The following ASXL3 variants were observed in gnomAD, a reference collection of about 807,000 sequenced individuals.
ASXL3 encodes putative Polycomb group protein ASXL3.
In ASXL3, 34 loss-of-function variants were observed where a neutral mutation model predicts 170.6. The ratio of observed to expected loss-of-function variants is 0.20; its 90% CI spans 0.15 to 0.27. The LOEUF (loss-of-function observed/expected upper bound fraction) is 0.27, where lower values mean the gene tolerates loss of function less well. Ranked by LOEUF, ASXL3 falls within the 10% of genes least tolerant of loss-of-function variation. The pLI is 1.00. For missense variants in ASXL3, 2,592 were observed against 2,695.3 expected, an observed-to-expected ratio of 0.96 and a Z score of 0.85; for synonymous variants, 1,002 against 989.1, an observed-to-expected ratio of 1.01 and a Z score of -0.24.
rs778870249 is a variant in ASXL3 at position 33,739,618 on chromosome 18, T to G, written c.2214T>G (p.Ser738=). The change falls in exon 11 of 12, where the codon TCT becomes TCG. Residue 738 remains serine, a synonymous_variant. Coordinates refer to ENST00000269197, the MANE Select transcript of ASXL3 (RefSeq NM_030632.3). Reference sequence around the variant, plus strand: ...CAGTGTCTTCCATGCTTCTCACCTCTGAGACCACTTTTGTATCCAGTTTGC... The same window carrying G: ...CAGTGTCTTCCATGCTTCTCACCTCGGAGACCACTTTTGTATCCAGTTTGC... The part of the protein sequence containing the change: ...TSSVSSMLLT[S]ETTFVSSLPL... The G allele has an allele frequency of 3.7e-6, 6 of 1,613,864 alleles. No homozygotes were observed. The Admixed American group carries it at 1.0e-4, about 27-fold the overall frequency.
intron 1 of ASXL3, among the ~76,000 whole-genome samples, chr18:33,604,107 A>G (rs1204331176): frequency 6.6e-6 from 1 of 152,100 alleles, no homozygotes; most frequent in Non-Finnish European, 1.5e-5. Flanking sequence ...TTGTTAGCCA[A>G]TATAAATAAT....
chr18:33,649,595 T>C (rs908146709), intron 4 of ASXL3: 4 of 152,144 alleles, frequency 2.6e-5, no homozygotes, highest in African/African-American at 4.8e-5. Flanking sequence ...GGGACCACTC[T>C]ACAAGTACAG....
At position 33,663,368 on chromosome 18, in the gene ASXL3, A is replaced by G. The variant is rs140446626; in HGVS notation, c.477+1631A>G. Among the ~76,000 whole-genome samples the G allele has an allele frequency of 3.0e-3, 464 of 152,258 alleles. 3 individuals carry two copies. The highest frequency in any genetic ancestry group is 0.011 in the African/African-American group (449 of 41,574). On this transcript the variant is annotated intron_variant, in intron 5 of 11. Coordinates refer to ENST00000269197, the MANE Select transcript of ASXL3 (RefSeq NM_030632.3). Reference sequence around the variant, plus strand: ...CACCATGAAATCTTCCTGTATATGAATGGAAATATAAAGGTACAACTCTCT... The same window carrying G: ...CACCATGAAATCTTCCTGTATATGAGTGGAAATATAAAGGTACAACTCTCT...
chr18:33,585,331 TC>T, intron 1 of ASXL3, among the ~76,000 whole-genome samples: 1 of 152,184 alleles, frequency 6.6e-6, no homozygotes, highest in Non-Finnish European at 1.5e-5. Flanking sequence ...GCTGCCAAAA[TC>T]TAGCCCTGAC....
Position 33,742,999 on chromosome 18 carries a change from G to A in ASXL3, c.3151G>A (p.Ala1051Thr). The A allele has an allele frequency of 1.2e-6, 2 of 1,613,768 alleles. No homozygotes were observed. Among genetic ancestry groups the A allele is most frequent in the Non-Finnish European group, 1.7e-6 (2 of 1,179,782 alleles). Residue 1051 changes from alanine (A) to threonine (T), a missense_variant, in exon 12 of 12, where the codon GCC becomes ACC. Ala to Thr is a moderately conservative substitution (Grantham distance 58). This residue lies in a region of ASXL3 where 2,246 missense variants were observed against 2,219.6 expected (regional missense o/e 1.01). Transcript: ENST00000269197. ...TGTCAGTGGCGGGAGGAACACAGGA[G>A]CCAGGACCCTCGCAGATATCAAGGC... ...TSVSGGRNTG[A>T]RTLADIKARA...
Position 33,648,692 on chromosome 18 carries a change from TAGAAA to T in ASXL3, c.355+2346_355+2350del, listed in dbSNP as rs199833849. Among the ~76,000 whole-genome samples, 1,305 of 151,836 alleles carry T rather than the reference TAGAAA, an allele frequency of 8.6e-3. 18 individuals are homozygous for T. The highest frequency in any genetic ancestry group is 0.029 in the African/African-American group (1,201 of 41,410). ...ACATTACCAAGGAACTGAAGGTAAA[TAGAAA>T]AGAAAAAAGACCCAAAGACTGAGCT... is the stretch of plus-strand genomic sequence containing the variant. On this transcript the variant is annotated intron_variant, in intron 4 of 11. Coordinates refer to ENST00000269197, the MANE Select transcript of ASXL3 (RefSeq NM_030632.3).
chr18:33,743,284 T>C lies in ASXL3; in HGVS notation c.3436T>C (p.Ser1146Pro). The change falls in exon 12 of 12, where the codon TCT becomes CCT. Residue 1146 changes from serine (S) to proline (P), a missense_variant. Ser to Pro is a moderately conservative substitution (Grantham distance 74, BLOSUM62 -1). Transcript: ENST00000269197. ...AGGGCCTCCAAACTTAGAAGTCTCT[T>C]CTACCCCTGAAACAAAAATGGAAGG... ...KEGPPNLEVS[S>P]TPETKMEGST... The C allele has an allele frequency of 6.2e-7, 1 of 1,613,900 alleles. No individual in the cohort carries two copies. Among genetic ancestry groups the C allele is most frequent in the Non-Finnish European group, 8.5e-7 (1 of 1,179,838 alleles).
chr18:33,694,849 A>G (rs1480280240), intron 8 of ASXL3, among the ~76,000 whole-genome samples: 1 of 152,184 alleles, frequency 6.6e-6, no homozygotes, highest in African/African-American at 2.4e-5. Flanking sequence ...GAACATTTAC[A>G]CAGTCCCTTT....
At chr18:33,600,893 C>T (rs557879205) in intron 1 of ASXL3, among the ~76,000 whole-genome samples, 1 of 152,188 alleles carries the variant, frequency 6.6e-6, no homozygotes, top group East Asian at 1.9e-4. Flanking sequence ...ATCATAATTG[C>T]TTGAAAGTTT....
intron 2 of ASXL3, among the ~76,000 whole-genome samples, chr18:33,628,173 T>C (rs2065628014): frequency 6.6e-6 from 1 of 152,082 alleles, no homozygotes; most frequent in Admixed American, 6.6e-5. Flanking sequence ...ATTTTACAGA[T>C]GAGGAAATTG....
At chr18:33,694,773 G>A (rs969131135) in intron 8 of ASXL3, among the ~76,000 whole-genome samples, 37 of 152,040 alleles carry the variant, frequency 2.4e-4, no homozygotes, top group African/African-American at 8.2e-4. Flanking sequence ...GTGTTCCTCC[G>A]GTTCTGCACT....
intron 2 of ASXL3, among the ~76,000 whole-genome samples, chr18:33,616,507 G>A (rs1208031055): frequency 1.3e-5 from 2 of 152,116 alleles, no homozygotes; most frequent in South Asian, 2.1e-4. Flanking sequence ...GAATGGGAAG[G>A]AAATACTTTT....
chr18:33,747,494 T>A lies in ASXL3; in HGVS notation c.*899T>A, dbSNP rs1488426819. On this transcript the variant is annotated 3_prime_UTR_variant, in exon 12 of 12. Transcript: ENST00000269197. ...TGCACACATAAATGCATTGATAATG[T>A]AAATATCCTATTCACGCTAATGAAT... 1 of 152,074 alleles carries A rather than the reference T, an allele frequency of 6.6e-6. No individual in the cohort carries two copies. The highest frequency in any genetic ancestry group is 2.4e-5 in the African/African-American group (1 of 41,394). The allele number at this position is 152,074 out of a possible 1,614,324, so 9.4% of individuals were successfully genotyped here.
chr18:33,687,247 C>A (rs922458780), intron 8 of ASXL3, among the ~76,000 whole-genome samples: 5 of 151,960 alleles, frequency 3.3e-5, no homozygotes, highest in African/African-American at 1.2e-4. Context: ...CAGAAAGGGA[C>A]GGGTGACTTG....
intron 8 of ASXL3, among the ~76,000 whole-genome samples, chr18:33,721,663 C>T (rs1013610050): frequency 2.0e-5 from 3 of 152,052 alleles, no homozygotes; most frequent in South Asian, 2.1e-4. Flanking sequence ...TAATATTTCT[C>T]TCTAAAATTT....
intron 4 of ASXL3, among the ~76,000 whole-genome samples, chr18:33,660,504 G>C (rs1023526333): frequency 1.3e-5 from 2 of 151,980 alleles, no homozygotes; most frequent in African/African-American, 4.8e-5. Context: ...TTAAAACTCA[G>C]GTCAGAACCC....
chr18:33,732,891 A>G (rs2145399196), intron 9 of ASXL3, among the ~76,000 whole-genome samples: 1 of 151,954 alleles, frequency 6.6e-6, no homozygotes, highest in African/African-American at 2.4e-5. Context: ...TACTGATGGC[A>G]AATTCCAATT....
At chr18:33,689,154 G>A (rs752591816) in intron 8 of ASXL3, among the ~76,000 whole-genome samples, 5 of 152,038 alleles carry the variant, frequency 3.3e-5, no homozygotes, top group Non-Finnish European at 7.4e-5. Flanking sequence ...CACCACATCT[G>A]GCTAATTTTT....
chr18:33,683,196 A>G (rs1433315399), intron 7 of ASXL3, among the ~76,000 whole-genome samples: 2 of 152,218 alleles, frequency 1.3e-5, no homozygotes, highest in African/African-American at 4.8e-5. Flanking sequence ...ATACATTATG[A>G]CAGCTAAAGA....
Sources: allele counts gnomAD v4.1 joint callset (sites outside exome capture counted in the v4.1 genomes callset), GRCh38; gene constraint gnomAD v4.1.1; regional missense constraint gnomAD v4.1.1; transcripts MANE v1.5; gene names NCBI Gene and HGNC (gene_info 2026-07-23, HGNC 2026-07-21).